The following DNAH1 variants were observed in gnomAD, a reference collection of about 807,000 sequenced individuals.
DNAH1 encodes axonemal beta dynein heavy chain 1.
A neutral mutation model predicts 484.3 loss-of-function variants in DNAH1; 327 were observed. The observed-to-expected ratio is 0.68, with a 90% CI of 0.62 to 0.74. The LOEUF (loss-of-function observed/expected upper bound fraction) is 0.74, where lower values mean the gene tolerates loss of function less well. Ranked by LOEUF, DNAH1 falls within the 30% of genes least tolerant of loss-of-function variation. The pLI, the probability that DNAH1 is intolerant of heterozygous loss-of-function variation, is 0.00. For missense variants in DNAH1, 5,052 were observed against 5,546.8 expected, an observed-to-expected ratio of 0.91 and a Z score of 2.83; for synonymous variants, 2,192 against 2,191.9, an observed-to-expected ratio of 1.00 and a Z score of 0.00.
At position 52,326,270 on chromosome 3, in the gene DNAH1, C is replaced by A; in HGVS notation, c.537C>A (p.Phe179Leu). The change falls in exon 4 of 78, where the codon TTC becomes TTA. Residue 179 changes from phenylalanine to leucine, a missense_variant. Physicochemically the swap from Phe to Leu is conservative, Grantham distance 22. This residue lies in a region of DNAH1 where 1,263 missense variants were observed against 1,218.8 expected (regional missense o/e 1.04). Coordinates refer to ENST00000420323, the MANE Select transcript of DNAH1 (RefSeq NM_015512.5). ...ACGAGCCCAAGATGCAGGTGCCTTT[C>A]CAGGTGCTGCCAGGCCAGCATCCTC... ...QAYEPKMQVP[F>L]QVLPGQHPRK... 1.2e-6 allele frequency: 2 copies of A among 1,611,582 alleles called. No individual in the cohort carries two copies. Among genetic ancestry groups the A allele is most frequent in the Non-Finnish European group, 1.7e-6 (2 of 1,179,788 alleles).
chr3:52,312,303 C>CA (rs1700798625), upstream of DNAH1, among the ~76,000 whole-genome samples: 1 of 152,054 alleles, frequency 6.6e-6, no homozygotes, highest in Non-Finnish European at 1.5e-5. Context: ...GGGAAGAGAA[C>CA]AGACGGGGGT....
chr3:52,399,082 A>G lies in DNAH1; in HGVS notation c.12322A>G (p.Ile4108Val), dbSNP rs372507181. 33 of 1,614,074 alleles carry G rather than the reference A, an allele frequency of 2.0e-5. No individual in the cohort carries two copies. The African/African-American group carries it at 4.0e-4, about 20-fold the overall frequency. Residue 4108 changes from isoleucine (I) to valine (V), a missense_variant, in exon 76 of 78, where the codon ATC becomes GTC. By Grantham distance (29) the Ile-to-Val change is conservative. Coordinates refer to ENST00000420323, the MANE Select transcript of DNAH1 (RefSeq NM_015512.5). ...DFLQAWIQDG[I>V]PAVFWISGFF... ...TCTGCAGGCCTGGATCCAAGATGGC[A>G]TCCCAGCTGTCTTCTGGATCAGTGG...
chr3:52,377,811 A>G (rs1225115428), intron 46 of DNAH1, among the ~76,000 whole-genome samples: 2 of 150,832 alleles, frequency 1.3e-5, no homozygotes, highest in Non-Finnish European at 1.5e-5. Context: ...CCCAAGCCCA[A>G]CTCTGGCCCT....
At chr3:52,326,624 G>T in intron 4 of DNAH1, 111 bp from the exon 5 acceptor site, 2 of 1,337,228 alleles carry the variant, frequency 1.5e-6, no homozygotes, top group South Asian at 1.4e-5. Context: ...CTCCAGAGGG[G>T]TCTCTCGGCC....
Position 52,355,164 on chromosome 3 carries a change from G to A in DNAH1, c.3693+109G>A. On this transcript the variant is annotated intron_variant, in intron 21 of 77. Transcript: ENST00000420323. The surrounding 1 kb of genome is among the most constrained non-coding windows in gnomAD (Gnocchi z 4.5). The stretch of plus-strand genomic sequence containing the variant: ...GGGGTTCAAAGCATCGCAGTGCCTT[G>A]CCCTCATTCACACAGCCCCTGGCTC... The A allele has an allele frequency of 8.9e-7, 1 of 1,123,244 alleles. No homozygotes were observed. The highest frequency in any genetic ancestry group is 1.3e-6 in the Non-Finnish European group (1 of 772,874). The allele number at this position is 1,123,244 out of a possible 1,614,324, so 69.6% of individuals were successfully genotyped here.
chr3:52,399,438 G>A (rs1198504505), intron 76 of DNAH1, 107 bp from the exon 77 acceptor site: 25 of 1,059,610 alleles, frequency 2.4e-5, no homozygotes, highest in Non-Finnish European at 3.4e-5. Flanking sequence ...CGTGATGATG[G>A]GCAGGCAGGC....
intron 16 of DNAH1, among the ~76,000 whole-genome samples, chr3:52,351,432 C>T (rs994649463): frequency 6.6e-6 from 1 of 152,248 alleles, no homozygotes; most frequent in African/African-American, 2.4e-5. Context: ...GAGACACTGG[C>T]AGACAGGGCA....
At chr3:52,326,679 G>A (rs1701356710) in intron 4 of DNAH1, 56 bp from the exon 5 acceptor site, 1 of 1,540,586 alleles carries the variant, frequency 6.5e-7, no homozygotes, top group Non-Finnish European at 8.8e-7. Context: ...GGACACCCAT[G>A]GAGCCACCTC....
chr3:52,328,350 G>A (rs961558165), intron 6 of DNAH1, among the ~76,000 whole-genome samples: 1 of 152,116 alleles, frequency 6.6e-6, no homozygotes, highest in South Asian at 2.1e-4. Flanking sequence ...CCACCCAGAA[G>A]CCCCATTGTT....
At chr3:52,340,875 A>ATTTTTTTTTTTTTTTTTTTTTTTT (rs112227628) in intron 8 of DNAH1, among the ~76,000 whole-genome samples, 4 of 150,692 alleles carry the variant, frequency 2.7e-5, no homozygotes, top group Non-Finnish European at 3.0e-5. Context: ...TTTTTTTTTA[A>ATTTTTTTTTTTTTTTTTTTTTTTT]TTTACAGATA....
At chr3:52,374,410 C>A in intron 44 of DNAH1, 1 of 1,314,124 alleles carries the variant, frequency 7.6e-7, no homozygotes, top group Non-Finnish European at 1.1e-6. Flanking sequence ...CCCACAGAAC[C>A]AGTGGTGATG....
At position 52,348,960 on chromosome 3, in the gene DNAH1, G is replaced by C. The variant is rs750829390; in HGVS notation, c.2179G>C (p.Glu727Gln). Residue 727 changes from glutamate to glutamine, a missense_variant, in exon 13 of 78, where the codon GAA (glutamate) becomes CAA (glutamine). Coordinates refer to ENST00000420323, the MANE Select transcript of DNAH1 (RefSeq NM_015512.5). Reference protein sequence around the residue: ...ESVGLHEPLVEELRATIASAV... With the variant: ...ESVGLHEPLVQELRATIASAV... ...CGTGGGCCTTCATGAGCCACTGGTG[G>C]AAGAGCTACGGGCCACCATTGCCAG... 4 of 1,613,382 alleles carry C rather than the reference G, an allele frequency of 2.5e-6. No individual in the cohort carries two copies. The highest frequency in any genetic ancestry group is 3.4e-6 in the Non-Finnish European group (4 of 1,179,886).
chr3:52,318,142 C>T (rs1276343767), intron 1 of DNAH1, among the ~76,000 whole-genome samples: 1 of 152,250 alleles, frequency 6.6e-6, no homozygotes, highest in Non-Finnish European at 1.5e-5. Context: ...ACCTCCACCT[C>T]CCGGGTTCAA....
In DNAH1 at chr3:52,399,040, C is replaced by T. The variant is rs1704776950; in HGVS notation, c.12280C>T (p.Leu4094=). 1 of 1,614,064 alleles carries T rather than the reference C, an allele frequency of 6.2e-7. No individual in the cohort carries two copies. The highest frequency in any genetic ancestry group is 8.5e-7 in the Non-Finnish European group (1 of 1,179,904). Residue 4094 remains leucine (L), a synonymous_variant, in exon 76 of 78, where the codon CTG becomes TTG. Coordinates refer to ENST00000420323, the MANE Select transcript of DNAH1 (RefSeq NM_015512.5). ...KPLSSWVMDL[L]QRLDFLQAWI... ...TCTGTCATCATGGGTCATGGACCTG[C>T]TGCAACGCCTGGACTTTCTGCAGGC...
chr3:52,350,338 G>A (rs1027516977), intron 15 of DNAH1, among the ~76,000 whole-genome samples, 170 bp from the exon 16 acceptor site: 1 of 152,072 alleles, frequency 6.6e-6, no homozygotes, highest in African/African-American at 2.4e-5. Flanking sequence ...GGCTCTAGGA[G>A]CCCTGAGCCT....
chr3:52,392,617 G>A lies in DNAH1; in HGVS notation c.10206G>A (p.Glu3402=). 1 of 1,613,498 alleles carries A rather than the reference G, an allele frequency of 6.2e-7. No individual in the cohort carries two copies. The change falls in exon 64 of 78, where the codon GAG becomes GAA. Residue 3402 remains glutamate (E), a synonymous_variant. Transcript: ENST00000420323. ...TCCTGTACCGGCTCAGCTCCTCCGA[G>A]GGCAACCCTGTAGATGACATGGAAC... ...DQILYRLSSS[E]GNPVDDMELI...
intron 60 of DNAH1, among the ~76,000 whole-genome samples, chr3:52,390,638 C>A (rs190849755): frequency 6.6e-6 from 1 of 152,138 alleles, no homozygotes; most frequent in Non-Finnish European, 1.5e-5. Flanking sequence ...AAAGGCACAG[C>A]GAAGGAGGGC....
rs558742783 is a variant in DNAH1 at position 52,376,087 on chromosome 3, T to C, written c.7198+94T>C. The stretch of plus-strand genomic sequence containing the variant: ...TTGAGGCTGCGACCAGGCGCCGTGG[T>C]GAACCATCCTCAGGTTCATGCAGGG... On this transcript the variant is annotated intron_variant, in intron 46 of 77. Transcript: ENST00000420323. 4.0e-6 allele frequency: 6 copies of C among 1,495,078 alleles called. 1 individual carries two copies. The African/African-American group carries it at 8.5e-5, about 21-fold the overall frequency. 92.6% of individuals were successfully genotyped at this position (1,495,078 alleles called of 1,614,324 possible). A position where few individuals can be genotyped will look rare whatever the true frequency, so the allele number is the denominator to read the frequency against.
chr3:52,397,173 C>A, intron 73 of DNAH1, 129 bp downstream of exon 73: 1 of 899,678 alleles, frequency 1.1e-6, no homozygotes, highest in Non-Finnish European at 1.7e-6. Context: ...TTTCATCAGT[C>A]AATCCATCCC....
Sources: gnomAD v4.1 joint callset for allele counts (sites outside exome capture counted in the v4.1 genomes callset) on GRCh38, gnomAD v4.1.1 for gene constraint, gnomAD v4.1.1 regional missense constraint, Gnocchi (gnomAD v3.1) non-coding constraint, MANE v1.5 for transcripts, NCBI Gene and HGNC (gene_info 2026-07-23, HGNC 2026-07-21) for gene names.